PARP14: variants seen among roughly 807,000 people sequenced by gnomAD.
PARP14 encodes protein mono-ADP-ribosyltransferase PARP14.
In PARP14, 59 loss-of-function variants were observed where a neutral mutation model predicts 154.2. That is an observed-to-expected ratio of 0.38 (90% CI 0.31 to 0.48). PARP14 has a LOEUF of 0.48. Ranked by LOEUF, PARP14 falls within the 20% of genes least tolerant of loss-of-function variation. The pLI, the probability that PARP14 is intolerant of heterozygous loss-of-function variation, is 0.98. For missense variants in PARP14, 1,734 were observed against 2,131.6 expected, an observed-to-expected ratio of 0.81 and a Z score of 3.67; for synonymous variants, 720 against 780.5, an observed-to-expected ratio of 0.92 and a Z score of 1.29.
In PARP14 at chr3:122,727,904, G is replaced by A. The variant is rs959906332; in HGVS notation, c.5034G>A (p.Lys1678=). The A allele has an allele frequency of 6.2e-7, 1 of 1,613,746 alleles. No individual in the cohort carries two copies. Among genetic ancestry groups the A allele is most frequent in the Non-Finnish European group, 8.5e-7 (1 of 1,179,672 alleles). ...AGAATGGCCAGACAATGAATGAGAA[G>A]CAACTCTTCCATGGGACAGATGCCG... The part of the protein sequence containing the change: ...DAKNGQTMNE[K]QLFHGTDAGS... The change falls in exon 16 of 17, where the codon AAG becomes AAA. Residue 1678 remains lysine (K), a synonymous_variant. Transcript: ENST00000474629.
At chr3:122,688,235 C>T (rs1025697975) in intron 3 of PARP14, among the ~76,000 whole-genome samples, 1 of 152,210 alleles carries the variant, frequency 6.6e-6, no homozygotes, top group East Asian at 1.9e-4. Context: ...TCAAGCTCAA[C>T]TTCAGACTAG....
chr3:122,709,481 T>A (rs868569809), intron 9 of PARP14, among the ~76,000 whole-genome samples: 1 of 152,304 alleles, frequency 6.6e-6, no homozygotes, highest in African/African-American at 2.4e-5. Flanking sequence ...TGGTTCCATA[T>A]CTTAAATTGT....
At position 122,701,535 on chromosome 3, in the gene PARP14, C is replaced by T. The variant is rs762035951; in HGVS notation, c.2981C>T (p.Ala994Val). ...DTAAPPGLPP[A>V]AAGPGKTSWE... The stretch of plus-strand genomic sequence containing the variant: ...GCTGCCCCGCCAGGTTTACCACCAG[C>T]AGCAGCGGGGCCTGGGAAAACATCA... The change falls in exon 6 of 17, where the codon GCA becomes GTA. Residue 994 changes from alanine to valine, a missense_variant. Ala to Val is a moderately conservative substitution (Grantham distance 64). This residue lies in a region of PARP14 where 1,646 missense variants were observed against 1,976.0 expected (regional missense o/e 0.83). Coordinates refer to ENST00000474629, the MANE Select transcript of PARP14 (RefSeq NM_017554.3). This position sits in a 1 kb window ranked among gnomAD's most constrained non-coding sequence, Gnocchi z 4.0. 3.1e-6 allele frequency: 5 copies of T among 1,612,544 alleles called. No homozygotes were observed. The highest frequency in any genetic ancestry group is 2.5e-6 in the Non-Finnish European group (3 of 1,179,102).
chr3:122,696,624 A>G (rs1448796952), intron 5 of PARP14, among the ~76,000 whole-genome samples: 2 of 151,756 alleles, frequency 1.3e-5, no homozygotes, highest in Non-Finnish European at 2.9e-5. Context: ...CTAGAAATTA[A>G]CCTCCCAGTT....
At chr3:122,695,333 TA>T (rs1938738035) in intron 4 of PARP14, 92 bp from the exon 5 acceptor site, 1 of 675,716 alleles carries the variant, frequency 1.5e-6, no homozygotes, top group African/African-American at 1.8e-5. Context: ...CTCTTCCTTT[TA>T]TTTCAATTAG....
rs2107643302 is a variant in PARP14, at chr3:122,699,872, G to C, written c.1318G>C (p.Glu440Gln). 6.2e-7 allele frequency: 1 copy of C among 1,613,880 alleles called. No individual in the cohort carries two copies. Among genetic ancestry groups the C allele is most frequent in the Non-Finnish European group, 8.5e-7 (1 of 1,179,758 alleles). Residue 440 changes from glutamate (E) to glutamine (Q), a missense_variant, in exon 6 of 17, where the codon GAG becomes CAG. Physicochemically the swap from Glu to Gln is conservative, Grantham distance 29 (BLOSUM62 2). This residue lies in a region of PARP14 where 1,646 missense variants were observed against 1,976.0 expected (regional missense o/e 0.83). Coordinates refer to ENST00000474629, the MANE Select transcript of PARP14 (RefSeq NM_017554.3). ...GATGGTAATCTTAGCAGGGAAATCA[G>C]AGGATGTCCAAAGCATTGAGGTACA... ...KEMVILAGKSEDVQSIEVQVR... is the reference protein window; with the variant it reads ...KEMVILAGKSQDVQSIEVQVR...
At chr3:122,687,185 G>A in intron 3 of PARP14, 72 bp downstream of exon 3, 1 of 1,049,826 alleles carries the variant, frequency 9.5e-7, no homozygotes, top group Non-Finnish European at 1.5e-6. Context: ...GCACTTGAGG[G>A]AGTCAGCCCT....
In PARP14 at chr3:122,695,668, AT is replaced by A; in HGVS notation, c.835+9del. The A allele has an allele frequency of 7.3e-7, 1 of 1,371,668 alleles. No individual in the cohort carries two copies. The highest frequency in any genetic ancestry group is 1.0e-6 in the Non-Finnish European group (1 of 966,026). 85.0% of individuals were successfully genotyped at this position (1,371,668 alleles called of 1,614,324 possible). Reference sequence around the variant, plus strand: ...TGAATTTTTTGACAGAAAAGGTAATATTTATTAACCTGTCATACCTGGCATA... The same window carrying A: ...TGAATTTTTTGACAGAAAAGGTAATATTATTAACCTGTCATACCTGGCATA... On this transcript the variant is annotated splice_region_variant and intron_variant, in intron 5 of 16. Coordinates refer to ENST00000474629, the MANE Select transcript of PARP14 (RefSeq NM_017554.3).
At chr3:122,708,318 T>C (rs922453544) in intron 9 of PARP14, 50 bp downstream of exon 9, 4 of 953,084 alleles carry the variant, frequency 4.2e-6, no homozygotes, top group Admixed American at 2.2e-5. Context: ...GCTAAGTAAC[T>C]GTTCATTGGC....
intron 1 of PARP14, among the ~76,000 whole-genome samples, chr3:122,684,003 A>C (rs1195267296): frequency 6.6e-6 from 1 of 152,184 alleles, no homozygotes; most frequent in African/African-American, 2.4e-5. Flanking sequence ...CTCCTCATAA[A>C]GAGTGAGATT....
chr3:122,699,761 A>G lies in PARP14; in HGVS notation c.1207A>G (p.Ile403Val), dbSNP rs1323225673. 1.2e-6 allele frequency: 2 copies of G among 1,613,924 alleles called. No homozygotes were observed. Among genetic ancestry groups the G allele is most frequent in the African/African-American group, 1.3e-5 (1 of 74,938 alleles). ...CAGGTCTAAATATAAAGTCAACCCAATTAAAGTGGATCCAACAATGTGGGA... is the reference window on the plus strand; with the variant it reads ...CAGGTCTAAATATAAAGTCAACCCAGTTAAAGTGGATCCAACAATGTGGGA... ...SIRSKYKVNP[I>V]KVDPTMWDTI... The change falls in exon 6 of 17, where the codon ATT becomes GTT. Residue 403 changes from isoleucine to valine, a missense_variant. Ile to Val is a conservative substitution (Grantham distance 29, BLOSUM62 3). Around this residue, in one of 2 missense-constraint regions of PARP14, gnomAD observed 1,646 missense variants for 1,976.0 expected, o/e 0.83. Coordinates refer to ENST00000474629, the MANE Select transcript of PARP14 (RefSeq NM_017554.3).
In PARP14 at chr3:122,701,272, T is replaced by C; in HGVS notation, c.2718T>C (p.Cys906=). Residue 906 remains cysteine, a synonymous_variant, in exon 6 of 17, where the codon TGT becomes TGC. Transcript: ENST00000474629. This position sits in a 1 kb window ranked among gnomAD's most constrained non-coding sequence, Gnocchi z 4.0. ...GGAGAGCTGTGCAACTCAGTCTCTGTCTAGCCGAAAAATACAAGTACCGAT... is the reference window on the plus strand; with the variant it reads ...GGAGAGCTGTGCAACTCAGTCTCTGCCTAGCCGAAAAATACAAGTACCGAT... ...LLRRAVQLSL[C]LAEKYKYRSI... is the part of the protein sequence containing the mutation. The C allele has an allele frequency of 1.9e-6, 3 of 1,613,966 alleles. No homozygotes were observed. Among genetic ancestry groups the C allele is most frequent in the Admixed American group, 1.7e-5 (1 of 60,006 alleles).
At chr3:122,713,837 C>G in intron 10 of PARP14, 35 bp from the exon 11 acceptor site, 2 of 1,467,742 alleles carry the variant, frequency 1.4e-6, no homozygotes, top group Non-Finnish European at 1.9e-6. Flanking sequence ...TGGTTTTTTA[C>G]TCATGTTTGT....
At chr3:122,709,200 C>A (rs1939247442) in intron 9 of PARP14, among the ~76,000 whole-genome samples, 1 of 151,568 alleles carries the variant, frequency 6.6e-6, no homozygotes, top group Non-Finnish European at 1.5e-5. Context: ...TATCCCTCAT[C>A]CCCCTCTCAA....
Position 122,718,962 on chromosome 3 carries a change from A to G in PARP14, c.4807+4A>G. On this transcript the variant is annotated splice_donor_region_variant and intron_variant, in intron 14 of 16. Transcript: ENST00000474629. ...CAGCGCCTCACGAAATCCAAAGGTG[A>G]GTTAAACATTCATACTTGTCATCCA... 2 of 1,560,796 alleles carry G rather than the reference A, an allele frequency of 1.3e-6. No individual in the cohort carries two copies. The highest frequency in any genetic ancestry group is 1.7e-6 in the Non-Finnish European group (2 of 1,154,600).
At chr3:122,706,029 T>C (rs960567403) in intron 8 of PARP14, among the ~76,000 whole-genome samples, 2 of 152,224 alleles carry the variant, frequency 1.3e-5, no homozygotes, top group East Asian at 1.9e-4. Flanking sequence ...AAGATTTATA[T>C]ACACAAAATG....
At chr3:122,710,131 C>G (rs1466052215) in intron 9 of PARP14, among the ~76,000 whole-genome samples, 1 of 151,930 alleles carries the variant, frequency 6.6e-6, no homozygotes, top group Non-Finnish European at 1.5e-5. Flanking sequence ...GAATTCTTTG[C>G]CTAAGTCAAT....
chr3:122,702,373 C>T (rs141017368), intron 6 of PARP14, among the ~76,000 whole-genome samples: 1,595 of 152,170 alleles, frequency 0.01, 35 homozygotes, highest in African/African-American at 0.036. Flanking sequence ...CATGCCACCA[C>T]GCCTGGCTAA....
Position 122,713,522 on chromosome 3 carries a change from G to A in PARP14, c.3718G>A (p.Glu1240Lys), listed in dbSNP as rs1238206166. The A allele has an allele frequency of 1.2e-6, 2 of 1,613,786 alleles. No individual in the cohort carries two copies. Among genetic ancestry groups the A allele is most frequent in the Non-Finnish European group, 1.7e-6 (2 of 1,179,720 alleles). Residue 1240 changes from glutamate (E) to lysine (K), a missense_variant, in exon 10 of 17, where the codon GAG (glutamate) becomes AAG (lysine). Coordinates refer to ENST00000474629, the MANE Select transcript of PARP14 (RefSeq NM_017554.3). ...GGCTTCTGGAGATATCACGAAAGAA[G>A]AGGCAGATGTGATTGTAAATTCAAC... The part of the protein sequence containing the change: ...QVASGDITKE[E>K]ADVIVNSTSN...
Sources: allele counts gnomAD v4.1 joint callset (sites outside exome capture counted in the v4.1 genomes callset), GRCh38; gene constraint gnomAD v4.1.1; regional missense constraint gnomAD v4.1.1; non-coding constraint Gnocchi (gnomAD v3.1); transcripts MANE v1.5; gene names NCBI Gene and HGNC (gene_info 2026-07-23, HGNC 2026-07-21).